TTC7B: variants seen among roughly 807,000 people sequenced by gnomAD.
TTC7B encodes tetratricopeptide repeat protein 7B.
Under a neutral mutation model 106.8 loss-of-function variants are expected in TTC7B, and 28 were observed. That is an observed-to-expected ratio of 0.26 (90% CI 0.19 to 0.36). The LOEUF is 0.36. Among genes scored for constraint, TTC7B ranks in the 10% least tolerant of loss-of-function variants. The pLI, the probability that TTC7B is intolerant of heterozygous loss-of-function variation, is 1.00. For missense variants in TTC7B, 862 were observed against 1,076.4 expected (o/e 0.80, Z 2.79); for synonymous variants, 405 against 430.6 (o/e 0.94, Z 0.74).
At chr14:90,792,887 G>A (rs941914578) in intron 1 of TTC7B, among the ~76,000 whole-genome samples, 4 of 152,130 alleles carry the variant, frequency 2.6e-5, no homozygotes, top group African/African-American at 9.7e-5. Flanking sequence ...CTCGTTTGGG[G>A]AATTACAAGT....
intron 4 of TTC7B, among the ~76,000 whole-genome samples, chr14:90,733,154 A>G (rs1338674054): frequency 6.6e-6 from 1 of 152,182 alleles, no homozygotes; most frequent in Non-Finnish European, 1.5e-5. Flanking sequence ...AGGCAACAGG[A>G]AAGTAACCCA....
chr14:90,682,465 G>A (rs981842846), intron 7 of TTC7B, among the ~76,000 whole-genome samples: 1 of 152,180 alleles, frequency 6.6e-6, no homozygotes, highest in Admixed American at 6.5e-5. Context: ...CACATTAGAA[G>A]GCTCCCTCTC....
At chr14:90,618,336 A>C (rs537514554) in intron 15 of TTC7B, among the ~76,000 whole-genome samples, 1 of 152,266 alleles carries the variant, frequency 6.6e-6, no homozygotes, top group Non-Finnish European at 1.5e-5. Context: ...TATTAAAAGC[A>C]TGCTTTTTAG....
chr14:90,575,703 G>A lies in TTC7B; in HGVS notation c.2310+2403C>T, dbSNP rs1375058488. On this transcript the variant is annotated intron_variant, in intron 19 of 19. Coordinates refer to ENST00000328459, the MANE Select transcript of TTC7B (RefSeq NM_001010854.2). This position sits in a 1 kb window ranked among gnomAD's most constrained non-coding sequence, Gnocchi z 5.2. ...TCATTTAGAAAATCACCAAGAAGGC[G>A]TGCTCAAGCTACCTTCGGGAGCCAC... Among the ~76,000 whole-genome samples, 5 of 152,208 alleles carry A rather than the reference G, an allele frequency of 3.3e-5. No individual in the cohort carries two copies. The highest frequency in any genetic ancestry group is 7.3e-5 in the Non-Finnish European group (5 of 68,036).
chr14:90,524,575 A>G lies in TTC7B; in HGVS notation c.*16793T>C, dbSNP rs1404810215. 6.6e-6 allele frequency: 1 copy of G among 152,236 alleles called. No individual in the cohort carries two copies. The highest frequency in any genetic ancestry group is 1.5e-5 in the Non-Finnish European group (1 of 68,052). The allele number at this position is 152,236 out of a possible 1,614,324, so 9.4% of individuals were successfully genotyped here. On this transcript the variant is annotated 3_prime_UTR_variant, in exon 20 of 20. Coordinates refer to ENST00000328459, the MANE Select transcript of TTC7B (RefSeq NM_001010854.2). The stretch of plus-strand genomic sequence containing the variant: ...TCCCAAGGCACATGTAGCATCATGC[A>G]TTTTTTTATTCAGGAAGAAAAAAGA...
intron 6 of TTC7B, among the ~76,000 whole-genome samples, chr14:90,691,934 T>A (rs1352863282): frequency 6.6e-6 from 1 of 152,234 alleles, no homozygotes; most frequent in Non-Finnish European, 1.5e-5. Flanking sequence ...TTGCCTATTT[T>A]GGACATTTTA....
Position 90,767,040 on chromosome 14 carries a change from AAAAAAG to A in TTC7B, c.445+13692_445+13697del, listed in dbSNP as rs1368481017. On this transcript the variant is annotated intron_variant, in intron 3 of 19. Coordinates refer to ENST00000328459, the MANE Select transcript of TTC7B (RefSeq NM_001010854.2). ...ATAGTTTATATACCAAAAAAAAAAA[AAAAAAG>A]AAAGAAAGGAAGAAAAGAAATTCTG... The A allele has an allele frequency of 1.3e-4, 106 of 834,504 alleles. No individual in the cohort carries two copies. In the African/African-American group the frequency reaches 1.7e-3, roughly 13 times the overall value. 51.7% of individuals were successfully genotyped at this position (834,504 alleles called of 1,614,324 possible). A position where few individuals can be genotyped will look rare whatever the true frequency, so the allele number is the denominator to read the frequency against.
At chr14:90,686,404 A>T (rs1887253828) in intron 7 of TTC7B, among the ~76,000 whole-genome samples, 1 of 152,212 alleles carries the variant, frequency 6.6e-6, no homozygotes. Flanking sequence ...CCCCCGCCTG[A>T]GATCAGGAAT....
chr14:90,699,247 T>C, intron 5 of TTC7B: 1 of 453,784 alleles, frequency 2.2e-6, no homozygotes, highest in Non-Finnish European at 4.4e-6. Flanking sequence ...AAGGAGGAAA[T>C]GTAAATGGGA....
In TTC7B at chr14:90,537,284, T is replaced by C. The variant is rs1889439214; in HGVS notation, c.*4084A>G. 1 of 151,648 alleles carries C rather than the reference T, an allele frequency of 6.6e-6. No individual in the cohort carries two copies. The highest frequency in any genetic ancestry group is 2.4e-5 in the African/African-American group (1 of 41,194). 9.4% of individuals were successfully genotyped at this position (151,648 alleles called of 1,614,324 possible). A position where few individuals can be genotyped will look rare whatever the true frequency, so the allele number is the denominator to read the frequency against. ...TCACTGCAGCCTCAACCACCTGGGC[T>C]CAAGCAATCAGCCCATCTCAGCCTC... On this transcript the variant is annotated 3_prime_UTR_variant, in exon 20 of 20. Coordinates refer to ENST00000328459, the MANE Select transcript of TTC7B (RefSeq NM_001010854.2).
At position 90,802,102 on chromosome 14, in the gene TTC7B, G is replaced by A. The variant is rs547070164; in HGVS notation, c.121+14073C>T. Among the ~76,000 whole-genome samples the A allele has an allele frequency of 2.2e-3, 327 of 152,058 alleles. 4 individuals carry two copies. Among genetic ancestry groups the A allele is most frequent in the Non-Finnish European group, 3.2e-3 (217 of 67,982 alleles). ...AAAAAAAGAAAGAAAGAAAGCAGCTGGAACATCAAGTGTAAGATCACAGAC... is the reference window on the plus strand; with the variant it reads ...AAAAAAAGAAAGAAAGAAAGCAGCTAGAACATCAAGTGTAAGATCACAGAC... On this transcript the variant is annotated intron_variant, in intron 1 of 19. Coordinates refer to ENST00000328459, the MANE Select transcript of TTC7B (RefSeq NM_001010854.2). This position sits in a 1 kb window ranked among gnomAD's most constrained non-coding sequence, Gnocchi z 4.7.
intron 17 of TTC7B, among the ~76,000 whole-genome samples, chr14:90,605,961 T>C (rs1433730380): frequency 6.6e-6 from 1 of 152,212 alleles, no homozygotes; most frequent in Non-Finnish European, 1.5e-5. Context: ...GGTTATTTAG[T>C]TGGTCCGCAA....
In TTC7B at chr14:90,621,601, C is replaced by A. The variant is rs529697447; in HGVS notation, c.1752-3556G>T. ...GTATGGCCGGAATGATAGGCAGAAG[C>A]CACACAGGTTCAGCTGGGACAATGG... is the stretch of plus-strand genomic sequence containing the variant. On this transcript the variant is annotated intron_variant, in intron 15 of 19. Transcript: ENST00000328459. 8.6e-4 allele frequency among the ~76,000 whole-genome samples: 131 copies of A among 152,312 alleles called. No homozygotes were observed. The Middle Eastern group carries it at 0.01, about 12-fold the overall frequency.
intron 19 of TTC7B, among the ~76,000 whole-genome samples, chr14:90,546,716 T>C (rs1393020430): frequency 6.6e-6 from 1 of 152,092 alleles, no homozygotes; most frequent in East Asian, 1.9e-4. Context: ...TATATTACCA[T>C]ATAACCTGCC....
At chr14:90,731,506 G>A (rs965728115) in intron 4 of TTC7B, among the ~76,000 whole-genome samples, 4 of 152,208 alleles carry the variant, frequency 2.6e-5, no homozygotes, top group Non-Finnish European at 5.9e-5. Context: ...GAAGGTACAT[G>A]ATAAACGAGA....
At position 90,573,225 on chromosome 14, in the gene TTC7B, G is replaced by A. The variant is rs113040415; in HGVS notation, c.2310+4881C>T. Among the ~76,000 whole-genome samples the A allele has an allele frequency of 4.1e-3, 625 of 152,238 alleles. 5 individuals are homozygous for A. Among genetic ancestry groups the A allele is most frequent in the African/African-American group, 0.015 (606 of 41,542 alleles). On this transcript the variant is annotated intron_variant, in intron 19 of 19. Coordinates refer to ENST00000328459, the MANE Select transcript of TTC7B (RefSeq NM_001010854.2). ...TTGGCTGTGAAATATAATGGCCTCC[G>A]TCCTAGCCTTGGGGAATGCTCATCC...
intron 13 of TTC7B, among the ~76,000 whole-genome samples, chr14:90,651,560 A>G (rs886311924): frequency 6.6e-6 from 1 of 152,262 alleles, no homozygotes; most frequent in Non-Finnish European, 1.5e-5. Flanking sequence ...TTAAGCATCC[A>G]TGTGTGGGTT....
chr14:90,717,136 G>A (rs1595312261), intron 5 of TTC7B, among the ~76,000 whole-genome samples: 2 of 152,084 alleles, frequency 1.3e-5, no homozygotes, highest in East Asian at 1.9e-4. Flanking sequence ...TCAGGTGATC[G>A]AGACCATCCT....
chr14:90,663,505 C>T lies in TTC7B; in HGVS notation c.1153-5118G>A, dbSNP rs1886288785. The stretch of plus-strand genomic sequence containing the variant: ...GCTTGAGGCTACTAAGGACTGAGAC[C>T]TTTCCAGCTAGTAGAAGTGTCAATC... On this transcript the variant is annotated intron_variant, in intron 9 of 19. Coordinates refer to ENST00000328459, the MANE Select transcript of TTC7B (RefSeq NM_001010854.2). The surrounding 1 kb of genome is among the most constrained non-coding windows in gnomAD (Gnocchi z 4.5). Among the ~76,000 whole-genome samples the T allele has an allele frequency of 3.3e-5, 5 of 152,078 alleles. No homozygotes were observed. The South Asian group carries it at 1.0e-3, about 32-fold the overall frequency.
Sources: allele counts gnomAD v4.1 joint callset (sites outside exome capture counted in the v4.1 genomes callset), GRCh38; gene constraint gnomAD v4.1.1; non-coding constraint Gnocchi (gnomAD v3.1); transcripts MANE v1.5; gene names NCBI Gene and HGNC (gene_info 2026-07-23, HGNC 2026-07-21).